The following KCNJ5 variants were observed in gnomAD, a reference collection of about 807,000 sequenced individuals.
The protein encoded by KCNJ5 is G protein-activated inward rectifier potassium channel 4.
Under a neutral mutation model 20.2 loss-of-function variants are expected in KCNJ5, and 12 were observed. The ratio of observed to expected loss-of-function variants is 0.59; its 90% CI spans 0.38 to 0.96. The LOEUF is 0.96. KCNJ5 is among the 40% of genes least tolerant of loss of function. The probability of loss-of-function intolerance (pLI) is 0.00; values close to 1 mark genes in which losing one functional copy is unlikely to be tolerated. For missense variants in KCNJ5, 449 were observed against 557.6 expected (o/e 0.81, Z 1.96); for synonymous variants, 210 against 213.9 (o/e 0.98, Z 0.16).
chr11:128,915,725 G>A (rs1944566376), intron 2 of KCNJ5, among the ~76,000 whole-genome samples: 1 of 152,200 alleles, frequency 6.6e-6, no homozygotes, highest in South Asian at 2.1e-4. Context: ...TTAGCACAAA[G>A]TAGATGTTCA....
At chr11:128,892,835 A>T (rs1301372706) in intron 1 of KCNJ5, among the ~76,000 whole-genome samples, 1 of 152,198 alleles carries the variant, frequency 6.6e-6, no homozygotes, top group East Asian at 1.9e-4. Flanking sequence ...ATACGTTTAC[A>T]TGAGTTCATC....
At chr11:128,898,363 C>T (rs923755210) in intron 1 of KCNJ5, among the ~76,000 whole-genome samples, 7 of 152,224 alleles carry the variant, frequency 4.6e-5, no homozygotes, top group African/African-American at 1.7e-4. Flanking sequence ...GTTCTTTTTG[C>T]TCTGCCATGA....
chr11:128,892,401 C>T (rs766183927), intron 1 of KCNJ5, among the ~76,000 whole-genome samples: 2 of 152,140 alleles, frequency 1.3e-5, no homozygotes, highest in Admixed American at 6.5e-5. Context: ...TTTATCTGTG[C>T]CTTCCCTCAA....
At chr11:128,893,308 G>A (rs1944122706) in intron 1 of KCNJ5, among the ~76,000 whole-genome samples, 1 of 152,084 alleles carries the variant, frequency 6.6e-6, no homozygotes, top group Admixed American at 6.5e-5. Context: ...GCAGCAGCAG[G>A]GCCACCATTG....
chr11:128,892,434 G>T (rs1340943967), intron 1 of KCNJ5, among the ~76,000 whole-genome samples: 1 of 152,188 alleles, frequency 6.6e-6, no homozygotes, highest in African/African-American at 2.4e-5. Context: ...AACCCCAGGG[G>T]CTGTGGAGGG....
At chr11:128,914,587 C>G (rs563718833) in intron 2 of KCNJ5, among the ~76,000 whole-genome samples, 74 of 152,308 alleles carry the variant, frequency 4.9e-4, no homozygotes, top group Non-Finnish European at 7.2e-4. Flanking sequence ...GCTTGAGTAG[C>G]ACAACTCTGC....
chr11:128,902,288 C>T (rs1327732184), intron 1 of KCNJ5: 4 of 531,378 alleles, frequency 7.5e-6, no homozygotes, highest in African/African-American at 1.9e-5. Context: ...CCACCTGATC[C>T]GCCCTCCTGT....
intron 1 of KCNJ5, chr11:128,901,005 A>T (rs980061409): frequency 9.2e-5 from 14 of 152,278 alleles, no homozygotes; most frequent in Non-Finnish European, 1.9e-4. Context: ...CAGAGATGTC[A>T]TGAACATTAG....
intron 1 of KCNJ5, chr11:128,904,559 G>T (rs143711749): frequency 9.0e-7 from 1 of 1,110,318 alleles, no homozygotes. Context: ...GACCAGCCGC[G>T]TCAACATCAC....
At position 128,916,621 on chromosome 11, in the gene KCNJ5, C is replaced by A. The variant is rs1944586677; in HGVS notation, c.1150C>A (p.Pro384Thr). ...GCTCCTCCAGTACCTCCCCAGCCCC[C>A]CACTGCTGGGGGGCTGTGCTGAGGC... is the stretch of plus-strand genomic sequence containing the variant. ...GRLLQYLPSP[P>T]LLGGCAEAGL... The change falls in exon 3 of 3, where the codon CCA becomes ACA. Residue 384 changes from proline to threonine, a missense_variant. Physicochemically the swap from Pro to Thr is conservative, Grantham distance 38. This residue lies in a region of KCNJ5 where 64 missense variants were observed against 51.3 expected (regional missense o/e 1.25). Transcript: ENST00000529694. The A allele has an allele frequency of 6.2e-7, 1 of 1,613,866 alleles. No individual in the cohort carries two copies.
At chr11:128,903,267 A>G in intron 1 of KCNJ5, 1 of 1,364,702 alleles carries the variant, frequency 7.3e-7, no homozygotes, top group Non-Finnish European at 1.0e-6. Context: ...AAGACATCCC[A>G]TTTAAATAAA....
At chr11:128,910,356 G>A (rs189092123) in intron 1 of KCNJ5, among the ~76,000 whole-genome samples, 32 of 152,262 alleles carry the variant, frequency 2.1e-4, no homozygotes, top group African/African-American at 5.8e-4. Context: ...TTTCTTAGAG[G>A]ACAGGGAATC....
At chr11:128,907,617 C>T (rs997255512) in intron 1 of KCNJ5, among the ~76,000 whole-genome samples, 3 of 152,206 alleles carry the variant, frequency 2.0e-5, no homozygotes, top group East Asian at 3.8e-4. Context: ...TTCACAGACA[C>T]AGGAGAGGAT....
Position 128,919,682 on chromosome 11 carries a change from TAG to T in KCNJ5, c.*2955_*2956del, listed in dbSNP as rs1373607198. ...AAAACATTTAATTAATTTATTTATGTAGAGACAGGGTCTCGCTCTGTCGCCCA... is the reference window on the plus strand; with the variant it reads ...AAAACATTTAATTAATTTATTTATGTAGACAGGGTCTCGCTCTGTCGCCCA... On this transcript the variant is annotated 3_prime_UTR_variant, in exon 3 of 3. Coordinates refer to ENST00000529694, the MANE Select transcript of KCNJ5 (RefSeq NM_000890.5). 2 of 152,286 alleles carry T rather than the reference TAG, an allele frequency of 1.3e-5. No individual in the cohort carries two copies. Among genetic ancestry groups the T allele is most frequent in the African/African-American group, 4.8e-5 (2 of 41,468 alleles). 9.4% of individuals were successfully genotyped at this position (152,286 alleles called of 1,614,324 possible). A position where few individuals can be genotyped will look rare whatever the true frequency, so the allele number is the denominator to read the frequency against.
intron 1 of KCNJ5, among the ~76,000 whole-genome samples, chr11:128,897,555 TTTG>T (rs1393359028): frequency 7.9e-5 from 12 of 152,242 alleles, no homozygotes; most frequent in Admixed American, 5.2e-4. Flanking sequence ...ATACCAGTCC[TTTG>T]TCAGTCAGAT....
Position 128,920,737 on chromosome 11 carries a change from G to C in KCNJ5, c.*4006G>C, listed in dbSNP as rs558294721. The C allele has an allele frequency of 6.6e-6, 1 of 152,344 alleles. No homozygotes were observed. The highest frequency in any genetic ancestry group is 2.1e-4 in the South Asian group (1 of 4,826). The allele number at this position is 152,344 out of a possible 1,614,324, so 9.4% of individuals were successfully genotyped here. On this transcript the variant is annotated 3_prime_UTR_variant, in exon 3 of 3. Coordinates refer to ENST00000529694, the MANE Select transcript of KCNJ5 (RefSeq NM_000890.5). ...AAGAGGCATGGCCTTGGTGCCAAGT[G>C]CCTCCCAAACAAACAGCCGGGGCCG...
chr11:128,904,538 T>A (rs1944360793), intron 1 of KCNJ5: 1 of 1,366,534 alleles, frequency 7.3e-7, no homozygotes, highest in Non-Finnish European at 1.0e-6. Flanking sequence ...GCTACTCAGG[T>A]GTGCACTGAG....
At chr11:128,914,153 AGGAC>A (rs57013659) in intron 2 of KCNJ5, among the ~76,000 whole-genome samples, 63,505 of 151,994 alleles carry the variant, frequency 0.42, 15,111 homozygotes, top group South Asian at 0.59. Context: ...GGTCAGAATC[AGGAC>A]ACAGGCTGCA....
In KCNJ5 at chr11:128,893,503, T is replaced by C. The variant is rs1050920822; in HGVS notation, c.-11+1782T>C. On this transcript the variant is annotated intron_variant, in intron 1 of 2. Transcript: ENST00000529694. ...CTATACATTCCACAAAGCACAAGGATTGTCCCCAGAACAACGTTCTAGACC... is the reference window on the plus strand; with the variant it reads ...CTATACATTCCACAAAGCACAAGGACTGTCCCCAGAACAACGTTCTAGACC... Among the ~76,000 whole-genome samples, 4 of 152,000 alleles carry C rather than the reference T, an allele frequency of 2.6e-5. No homozygotes were observed. The South Asian group carries it at 6.2e-4, about 24-fold the overall frequency.
Sources: gnomAD v4.1 joint callset for allele counts (sites outside exome capture counted in the v4.1 genomes callset) on GRCh38, gnomAD v4.1.1 for gene constraint, gnomAD v4.1.1 regional missense constraint, MANE v1.5 for transcripts, NCBI Gene and HGNC (gene_info 2026-07-23, HGNC 2026-07-21) for gene names.